DOCK5: variants seen among roughly 807,000 people sequenced by gnomAD.
The protein encoded by DOCK5 is dedicator of cytokinesis 5, also known as dedicator of cytokinesis protein 5.
Under a neutral mutation model 251.8 loss-of-function variants are expected in DOCK5, and 142 were observed. The observed-to-expected ratio is 0.56, with a 90% CI of 0.49 to 0.65. The LOEUF is 0.65. DOCK5 is among the 30% of genes least tolerant of loss of function. The pLI is 0.00. For missense variants in DOCK5, 2,111 were observed against 2,312.3 expected (o/e 0.91, Z 1.79); for synonymous variants, 842 against 835.5 (o/e 1.01, Z -0.13).
intron 1 of DOCK5, among the ~76,000 whole-genome samples, chr8:25,236,918 T>C (rs1217551813): frequency 6.6e-6 from 1 of 152,176 alleles, no homozygotes; most frequent in African/African-American, 2.4e-5. Flanking sequence ...TTTGGAATAT[T>C]ATGAATGATA....
chr8:25,371,476 A>C (rs1800871636), intron 34 of DOCK5, among the ~76,000 whole-genome samples: 1 of 152,206 alleles, frequency 6.6e-6, no homozygotes, highest in Non-Finnish European at 1.5e-5. Flanking sequence ...CAAAAAAATA[A>C]AAATAAAAAA....
rs1433951064 is a variant in DOCK5 at position 25,249,970 on chromosome 8, A to C, written c.127+6213A>C. ...GTACATTATATTTTATTCATTCATC[A>C]GTTGGACATTTGGGTCGTTTAGATG... On this transcript the variant is annotated intron_variant, in intron 2 of 51. Coordinates refer to ENST00000276440, the MANE Select transcript of DOCK5 (RefSeq NM_024940.8). Among the ~76,000 whole-genome samples, 3 of 152,222 alleles carry C rather than the reference A, an allele frequency of 2.0e-5. No homozygotes were observed. The East Asian group carries it at 5.8e-4, about 29-fold the overall frequency.
rs955539730 is a variant in DOCK5, at chr8:25,415,130, G to T, written c.*3832G>T. Reference sequence around the variant, plus strand: ...CCTGGCTATTAAGATAAAAAGATTTGTGGACATTAAAATTATGAATATGTC... The same window carrying T: ...CCTGGCTATTAAGATAAAAAGATTTTTGGACATTAAAATTATGAATATGTC... On this transcript the variant is annotated 3_prime_UTR_variant, in exon 52 of 52. Transcript: ENST00000276440. The T allele has an allele frequency of 2.6e-5, 4 of 151,996 alleles. No individual in the cohort carries two copies. Among genetic ancestry groups the T allele is most frequent in the African/African-American group, 9.7e-5 (4 of 41,364 alleles). The allele number at this position is 151,996 out of a possible 1,614,324, so 9.4% of individuals were successfully genotyped here.
chr8:25,202,503 G>C (rs950946592), intron 1 of DOCK5, among the ~76,000 whole-genome samples: 2 of 152,154 alleles, frequency 1.3e-5, no homozygotes, highest in South Asian at 4.1e-4. Flanking sequence ...GCCACCTTGC[G>C]TGTGAATCCC....
intron 39 of DOCK5, 89 bp from the exon 40 acceptor site, chr8:25,382,585 T>A (rs1043607896): frequency 9.5e-7 from 1 of 1,049,376 alleles, no homozygotes; most frequent in Admixed American, 2.5e-5. Context: ...CTGGGTTACG[T>A]GGGAAACAAC....
chr8:25,312,384 G>T (rs1164165019), intron 13 of DOCK5, among the ~76,000 whole-genome samples: 1 of 152,178 alleles, frequency 6.6e-6, no homozygotes, highest in Non-Finnish European at 1.5e-5. Context: ...AATCTGGCTT[G>T]TAAAAGAACA....
intron 1 of DOCK5, among the ~76,000 whole-genome samples, chr8:25,227,229 A>T (rs528180962): frequency 6.6e-6 from 1 of 152,200 alleles, no homozygotes; most frequent in Non-Finnish European, 1.5e-5. Context: ...CCGACCTCCC[A>T]TGAGGGCCAG....
chr8:25,369,297 A>G lies in DOCK5; in HGVS notation c.3439-259A>G, dbSNP rs569566701. 5.2e-4 allele frequency among the ~76,000 whole-genome samples: 79 copies of G among 152,356 alleles called. 2 individuals carry two copies. In the South Asian group the frequency reaches 0.016, roughly 31 times the overall value. On this transcript the variant is annotated intron_variant, in intron 33 of 51. Coordinates refer to ENST00000276440, the MANE Select transcript of DOCK5 (RefSeq NM_024940.8). ...GAATTATTATTCTATTTTTATATGA[A>G]TAGTTGTAACAGAAAGCAATGTTTT...
At chr8:25,341,878 G>GTAGCAGCCCA in intron 24 of DOCK5, 69 bp downstream of exon 24, 2 of 1,263,028 alleles carry the variant, frequency 1.6e-6, no homozygotes, top group Non-Finnish European at 2.2e-6. Context: ...GCTGGAGCCT[G>GTAGCAGCCCA]GGCTGCTACA....
chr8:25,220,084 C>T (rs1407221636), intron 1 of DOCK5, among the ~76,000 whole-genome samples: 5 of 151,688 alleles, frequency 3.3e-5, no homozygotes, highest in East Asian at 3.9e-4. Context: ...TATCAATGAT[C>T]GCTTTGATAT....
chr8:25,402,587 C>T (rs552675187), intron 47 of DOCK5, among the ~76,000 whole-genome samples: 11 of 151,564 alleles, frequency 7.3e-5, no homozygotes, highest in African/African-American at 9.7e-5. Flanking sequence ...TGAGCCACCG[C>T]GCCCGGCCCA....
chr8:25,376,180 A>G (rs1716883525), intron 37 of DOCK5: 3 of 984,510 alleles, frequency 3.0e-6, no homozygotes, highest in South Asian at 4.7e-5. Context: ...TCGCCATTGT[A>G]TGATCAGAAA....
intron 1 of DOCK5, among the ~76,000 whole-genome samples, chr8:25,239,902 A>G (rs1213415495): frequency 3.9e-5 from 6 of 152,104 alleles, no homozygotes; most frequent in African/African-American, 1.2e-4. Flanking sequence ...GACTTCCTTT[A>G]TCAAGGAGAG....
intron 11 of DOCK5, among the ~76,000 whole-genome samples, chr8:25,306,894 C>T (rs965554742): frequency 1.3e-4 from 20 of 152,020 alleles, no homozygotes; most frequent in South Asian, 1.0e-3. Flanking sequence ...TACACAAACC[C>T]GGAATATATA....
At chr8:25,357,892 C>G (rs1193499648) in intron 27 of DOCK5, among the ~76,000 whole-genome samples, 2 of 152,124 alleles carry the variant, frequency 1.3e-5, no homozygotes, top group African/African-American at 2.4e-5. Context: ...TACTCCCTGT[C>G]TAAAAAACTA....
chr8:25,367,113 T>C (rs998562738), intron 31 of DOCK5, 143 bp downstream of exon 31: 5 of 702,380 alleles, frequency 7.1e-6, no homozygotes, highest in Non-Finnish European at 9.9e-6. Flanking sequence ...AATTACTTAA[T>C]AGGCCTCACA....
chr8:25,229,406 G>A (rs566892518), intron 1 of DOCK5, among the ~76,000 whole-genome samples: 6 of 152,138 alleles, frequency 3.9e-5, no homozygotes, highest in East Asian at 3.9e-4. Flanking sequence ...TCTTGAACCC[G>A]GGAGGCAGAG....
At chr8:25,227,718 TG>T (rs1339142911) in intron 1 of DOCK5, among the ~76,000 whole-genome samples, 2 of 152,232 alleles carry the variant, frequency 1.3e-5, no homozygotes, top group African/African-American at 4.8e-5. Context: ...TAATCTGGTG[TG>T]TGTATGTATT....
chr8:25,281,823 G>A (rs923896617), intron 5 of DOCK5, among the ~76,000 whole-genome samples: 3 of 149,030 alleles, frequency 2.0e-5, no homozygotes, highest in Non-Finnish European at 4.4e-5. Flanking sequence ...AGGTTGCAGT[G>A]AGCCAAGATT....
Sources: allele counts gnomAD v4.1 joint callset (sites outside exome capture counted in the v4.1 genomes callset), GRCh38; gene constraint gnomAD v4.1.1; transcripts MANE v1.5; gene names NCBI Gene and HGNC (gene_info 2026-07-23, HGNC 2026-07-21).